Variants in EFNA5 observed in about 807,000 individuals in gnomAD.
The protein encoded by EFNA5 is ephrin-A5.
In EFNA5, 5 loss-of-function variants were observed where a neutral mutation model predicts 22.9. That is an observed-to-expected ratio of 0.22 (90% confidence interval 0.11 to 0.46). The LOEUF (loss-of-function observed/expected upper bound fraction) is 0.46, where lower values mean the gene tolerates loss of function less well. EFNA5 is among the 20% of genes least tolerant of loss of function. The pLI is 0.99. For synonymous variants in EFNA5, 113 were observed against 112.2 expected (o/e 1.01, Z -0.04); for missense variants, 237 against 293.3 (o/e 0.81, Z 1.40).
At chr5:107,382,984 C>T (rs1747509693) in intron 4 of EFNA5, among the ~76,000 whole-genome samples, 1 of 152,206 alleles carries the variant, frequency 6.6e-6, no homozygotes, top group South Asian at 2.1e-4. Flanking sequence ...GCTTTTCCTT[C>T]ACTGGGTAGA....
intron 1 of EFNA5, among the ~76,000 whole-genome samples, chr5:107,641,471 G>C (rs1750510566): frequency 6.6e-6 from 1 of 152,128 alleles, no homozygotes; most frequent in Non-Finnish European, 1.5e-5. Context: ...TTCTGATTAA[G>C]GTTACTATGG....
chr5:107,515,856 C>T lies in EFNA5; in HGVS notation c.126-88347G>A, dbSNP rs181190140. 2.1e-3 allele frequency among the ~76,000 whole-genome samples: 319 copies of T among 152,248 alleles called. 1 individual carries two copies. The highest frequency in any genetic ancestry group is 3.8e-3 in the Non-Finnish European group (259 of 68,012). ...ATGTTGTACACAGGAGAATCCAAGC[C>T]CAAGAAACTAAAAATCATCCCAAAG... On this transcript the variant is annotated intron_variant, in intron 1 of 4. Transcript: ENST00000333274.
chr5:107,506,775 A>G (rs542741777), intron 1 of EFNA5, among the ~76,000 whole-genome samples: 2 of 152,174 alleles, frequency 1.3e-5, no homozygotes, highest in Non-Finnish European at 2.9e-5. Flanking sequence ...AAAATATATA[A>G]TATCTAGATT....
At chr5:107,551,576 T>C (rs572653566) in intron 1 of EFNA5, among the ~76,000 whole-genome samples, 74 of 152,262 alleles carry the variant, frequency 4.9e-4, no homozygotes, top group African/African-American at 1.6e-3. Context: ...GAGACCCACG[T>C]GCCTGGAGTC....
chr5:107,510,921 G>T (rs1006998256), intron 1 of EFNA5, among the ~76,000 whole-genome samples: 5 of 151,676 alleles, frequency 3.3e-5, no homozygotes, highest in African/African-American at 1.2e-4. Flanking sequence ...AAACTACATG[G>T]TTAATTCAAC....
At chr5:107,573,895 C>CCA (rs1479663855) in intron 1 of EFNA5, among the ~76,000 whole-genome samples, 2 of 152,146 alleles carry the variant, frequency 1.3e-5, no homozygotes, top group East Asian at 3.9e-4. Context: ...GGCCCTGTGT[C>CCA]CACAAGAGGC....
At chr5:107,621,299 C>G (rs936975517) in intron 1 of EFNA5, among the ~76,000 whole-genome samples, 3 of 152,174 alleles carry the variant, frequency 2.0e-5, no homozygotes, top group Admixed American at 6.5e-5. Flanking sequence ...GCTTCTGCTT[C>G]CAGCCCTCAG....
At chr5:107,662,244 T>C (rs907734726) in intron 1 of EFNA5, among the ~76,000 whole-genome samples, 3 of 152,204 alleles carry the variant, frequency 2.0e-5, no homozygotes, top group Non-Finnish European at 4.4e-5. Flanking sequence ...TATTAAAACA[T>C]GCATTTATTG....
intron 1 of EFNA5, among the ~76,000 whole-genome samples, chr5:107,643,183 A>T (rs1269120694): frequency 6.6e-6 from 1 of 152,176 alleles, no homozygotes; most frequent in East Asian, 1.9e-4. Context: ...AAGTAGATCT[A>T]ACAAATGAAA....
rs563842740 is a variant in EFNA5 at position 107,421,655 on chromosome 5, G to A, written c.418+5562C>T. Among the ~76,000 whole-genome samples the A allele has an allele frequency of 3.9e-5, 6 of 152,278 alleles. No homozygotes were observed. In the South Asian group the frequency reaches 1.2e-3, roughly 32 times the overall value. ...CCATCTGATTCGGGGTTCCTAGGAA[G>A]TGTTTATAAAGTAGAATTCTCTAAA... On this transcript the variant is annotated intron_variant, in intron 2 of 4. Transcript: ENST00000333274.
chr5:107,670,417 T>TC (rs1419677271), intron 1 of EFNA5, 72 bp downstream of exon 1: 1 of 1,478,432 alleles, frequency 6.8e-7, no homozygotes, highest in Non-Finnish European at 9.0e-7. Flanking sequence ...TGCGCGCCGA[T>TC]CCCCGCCGCC....
intron 1 of EFNA5, among the ~76,000 whole-genome samples, chr5:107,592,386 T>G (rs748437912): frequency 2.0e-5 from 3 of 151,960 alleles, no homozygotes; most frequent in Non-Finnish European, 4.4e-5. Flanking sequence ...AACTGATGGA[T>G]GCAAATACAC....
At position 107,617,209 on chromosome 5, in the gene EFNA5, TACAC is replaced by T. The variant is rs373146585; in HGVS notation, c.125+53276_125+53279del. Among the ~76,000 whole-genome samples, 164 of 141,148 alleles carry T rather than the reference TACAC, an allele frequency of 1.2e-3. No homozygotes were observed. The Middle Eastern group carries it at 0.017, about 15-fold the overall frequency. 92.6% of individuals were successfully genotyped at this position (141,148 alleles called of 152,430 possible). A position where few individuals can be genotyped will look rare whatever the true frequency, so the allele number is the denominator to read the frequency against. ...CATTACACATACTTACATGTGCACA[TACAC>T]ACACACACACACACACACACACACA... On this transcript the variant is annotated intron_variant, in intron 1 of 4. Transcript: ENST00000333274.
At chr5:107,422,526 A>G (rs1043609328) in intron 2 of EFNA5, among the ~76,000 whole-genome samples, 6 of 152,248 alleles carry the variant, frequency 3.9e-5, no homozygotes, top group Admixed American at 1.3e-4. Context: ...AGAAAGTGAG[A>G]GCAAGGCACG....
intron 1 of EFNA5, among the ~76,000 whole-genome samples, chr5:107,599,945 C>T (rs1749559807): frequency 6.6e-6 from 1 of 152,192 alleles, no homozygotes; most frequent in South Asian, 2.1e-4. Context: ...CAGCAGCTTC[C>T]CTTCAGGACT....
chr5:107,490,862 C>T (rs1746785500), intron 1 of EFNA5, among the ~76,000 whole-genome samples: 1 of 152,140 alleles, frequency 6.6e-6, no homozygotes, highest in Non-Finnish European at 1.5e-5. Context: ...ATGATCTTAA[C>T]CATTAGGGCA....
chr5:107,511,682 C>T (rs1335675216), intron 1 of EFNA5, among the ~76,000 whole-genome samples: 1 of 151,960 alleles, frequency 6.6e-6, no homozygotes, highest in African/African-American at 2.4e-5. Flanking sequence ...AAATTAAGTG[C>T]CCTAAATCAT....
intron 2 of EFNA5, among the ~76,000 whole-genome samples, chr5:107,415,154 C>T (rs1289179415): frequency 1.3e-5 from 2 of 151,950 alleles, no homozygotes; most frequent in African/African-American, 2.4e-5. Flanking sequence ...CTAACACGTA[C>T]CTGTGATAAA....
intron 2 of EFNA5, among the ~76,000 whole-genome samples, chr5:107,426,574 T>A (rs528183887): frequency 6.6e-6 from 1 of 152,204 alleles, no homozygotes; most frequent in Non-Finnish European, 1.5e-5. Flanking sequence ...GCATTCTGAT[T>A]AATACAGAAG....
Sources: allele counts gnomAD v4.1 joint callset (sites outside exome capture counted in the v4.1 genomes callset), GRCh38; gene constraint gnomAD v4.1.1; transcripts MANE v1.5; gene names NCBI Gene and HGNC (gene_info 2026-07-23, HGNC 2026-07-21).